The following DMD variants were observed in gnomAD, a reference collection of about 807,000 sequenced individuals.
DMD encodes the protein dystrophin.
DMD carries 63 observed loss-of-function variants against 330.1 expected under a neutral mutation model. That is an observed-to-expected ratio of 0.19 (90% CI 0.16 to 0.24). DMD has a LOEUF of 0.24. Ranked by LOEUF, DMD falls within the 10% of genes least tolerant of loss-of-function variation. The pLI, the probability that DMD is intolerant of heterozygous loss-of-function variation, is 1.00. For missense variants in DMD, 3,344 were observed against 2,684.1 expected, an observed-to-expected ratio of 1.25 and a Z score of -5.43; for synonymous variants, 1,223 against 959.8, an observed-to-expected ratio of 1.27 and a Z score of -5.07.
intron 50 of DMD, among the ~76,000 whole-genome samples, chrX:31,779,685 TTGTGTG>T (rs34110475): frequency 9.8e-4 from 98 of 100,134 alleles, no homozygotes; most frequent in African/African-American, 2.2e-3. Context: ...GATACACACA[TTGTGTG>T]TGTGTGTGTG....
At chrX:33,031,531 G>A (rs1052938189) in intron 1 of DMD, among the ~76,000 whole-genome samples, 2 of 111,112 alleles carry the variant, frequency 1.8e-5, no homozygotes, top group Non-Finnish European at 3.8e-5. Flanking sequence ...CCAGCACTTT[G>A]GGAGGCCCAG....
intron 1 of DMD, among the ~76,000 whole-genome samples, chrX:33,081,921 T>C (rs1173475986): frequency 9.0e-6 from 1 of 110,530 alleles, no homozygotes; most frequent in Non-Finnish European, 1.9e-5. Flanking sequence ...TTGAGAGGGA[T>C]CCATCTGTTT....
intron 16 of DMD, among the ~76,000 whole-genome samples, chrX:32,557,225 C>G (rs1218804142): frequency 9.0e-6 from 1 of 111,681 alleles, no homozygotes; most frequent in African/African-American, 3.3e-5. Context: ...ATTCATCCAA[C>G]TCTTATCAGC....
At chrX:32,133,928 T>C (rs1444060390) in intron 44 of DMD, among the ~76,000 whole-genome samples, 2 of 111,692 alleles carry the variant, frequency 1.8e-5, no homozygotes, top group Non-Finnish European at 3.8e-5. Context: ...AAACAGCAGA[T>C]AAACCGATGG....
intron 55 of DMD, among the ~76,000 whole-genome samples, chrX:31,581,951 T>A (rs1463650016): frequency 8.9e-6 from 1 of 111,930 alleles, no homozygotes; most frequent in East Asian, 2.8e-4. Flanking sequence ...ACTGTATCTT[T>A]ACATACTTGT....
At chrX:32,903,161 A>AAAAAAAAAG (rs1569541054) in intron 2 of DMD, among the ~76,000 whole-genome samples, 1 of 101,250 alleles carries the variant, frequency 9.9e-6, no homozygotes, top group Non-Finnish European at 2.0e-5. Context: ...AAAAAAAAAA[A>AAAAAAAAAG]AAAAGAAACT....
intron 44 of DMD, among the ~76,000 whole-genome samples, chrX:32,045,388 C>T (rs1297619803): frequency 3.0e-5 from 3 of 99,359 alleles, no homozygotes; most frequent in Non-Finnish European, 6.0e-5. Flanking sequence ...CCCCTGGCTT[C>T]TGCTCTGGCC....
chrX:33,307,663 T>A (rs1219788431), intron 1 of DMD, among the ~76,000 whole-genome samples: 1 of 111,612 alleles, frequency 9.0e-6, no homozygotes, highest in African/African-American at 3.3e-5. Context: ...CACTCCGGCC[T>A]GGGTGACAGA....
chrX:32,351,108 G>A, intron 37 of DMD, among the ~76,000 whole-genome samples: 1 of 110,274 alleles, frequency 9.1e-6, no homozygotes, highest in Non-Finnish European at 1.9e-5. Context: ...ATGGTGTCTG[G>A]TATATAATAA....
chrX:32,640,242 T>C (rs1373726583), intron 11 of DMD, among the ~76,000 whole-genome samples: 1 of 108,614 alleles, frequency 9.2e-6, no homozygotes, highest in Non-Finnish European at 1.9e-5. Flanking sequence ...ATAATAATTT[T>C]GCATTCACAA....
intron 47 of DMD, among the ~76,000 whole-genome samples, chrX:31,876,908 T>C (rs2093977070): frequency 9.0e-6 from 1 of 110,960 alleles, no homozygotes; most frequent in Non-Finnish European, 1.9e-5. Context: ...TTTTATAATA[T>C]ACATCTGTTC....
chrX:32,801,413 C>G (rs1238161016), intron 7 of DMD, among the ~76,000 whole-genome samples: 2 of 111,459 alleles, frequency 1.8e-5, no homozygotes, highest in Admixed American at 1.9e-4. Flanking sequence ...TGGATATTAG[C>G]CCTTTGTCAG....
At chrX:32,505,192 T>G (rs1300514621) in intron 18 of DMD, among the ~76,000 whole-genome samples, 1 of 111,693 alleles carries the variant, frequency 9.0e-6, no homozygotes, top group Admixed American at 9.5e-5. Context: ...AGTTAAAAGG[T>G]TCTGCTCTGT....
intron 45 of DMD, among the ~76,000 whole-genome samples, chrX:31,934,683 G>T (rs1186394588): frequency 1.8e-5 from 2 of 111,119 alleles, no homozygotes; most frequent in African/African-American, 6.6e-5. Flanking sequence ...ATTTACTTCA[G>T]CTGAGAGTAT....
At chrX:31,444,160 G>A (rs1205845200) in intron 60 of DMD, among the ~76,000 whole-genome samples, 1 of 110,850 alleles carries the variant, frequency 9.0e-6, no homozygotes, top group Admixed American at 9.6e-5. Context: ...TGACGCCCTC[G>A]CCAGAAGCAG....
At chrX:31,842,786 G>A (rs1473875168) in intron 48 of DMD, among the ~76,000 whole-genome samples, 1 of 111,700 alleles carries the variant, frequency 9.0e-6, no homozygotes, top group African/African-American at 3.3e-5. Flanking sequence ...TTTATTGGGT[G>A]ATACTGAGGT....
intron 43 of DMD, among the ~76,000 whole-genome samples, chrX:32,255,915 T>A (rs138880451): frequency 0.018 from 2,030 of 111,846 alleles, 20 homozygotes; most frequent in East Asian, 0.08. Context: ...GAGACTTGAG[T>A]CTGGGAGAGG....
chrX:31,549,380 A>C (rs1177456753), intron 55 of DMD, among the ~76,000 whole-genome samples: 1 of 111,549 alleles, frequency 9.0e-6, no homozygotes, highest in East Asian at 2.8e-4. Context: ...GGTCTATGCA[A>C]AGTTATTTTT....
chrX:32,925,197 A>G (rs1368095410), intron 2 of DMD, among the ~76,000 whole-genome samples: 1 of 88,493 alleles, frequency 1.1e-5, no homozygotes, highest in Non-Finnish European at 2.1e-5. Context: ...GATGGACTCA[A>G]TCTGAAAGTT....
Sources: allele counts gnomAD v4.1 joint callset (sites outside exome capture counted in the v4.1 genomes callset), GRCh38; gene constraint gnomAD v4.1.1; transcripts MANE v1.5; gene names NCBI Gene and HGNC (gene_info 2026-07-23, HGNC 2026-07-21).